The following LMX1A variants were observed in gnomAD, a reference collection of about 807,000 sequenced individuals.
LMX1A encodes LIM homeobox transcription factor 1 alpha, also known as LIM homeobox transcription factor 1-alpha.
Under a neutral mutation model 49.1 loss-of-function variants are expected in LMX1A, and 15 were observed. The observed-to-expected ratio is 0.31, with a 90% CI of 0.20 to 0.47. LMX1A has a LOEUF of 0.47. LMX1A is among the 20% of genes least tolerant of loss of function. The pLI, the probability that LMX1A is intolerant of heterozygous loss-of-function variation, is 1.00. For missense variants in LMX1A, 372 were observed against 475.8 expected (o/e 0.78, Z 2.03); for synonymous variants, 167 against 185.7 (o/e 0.90, Z 0.82).
At chr1:165,262,912 C>T (rs1037756281) in intron 3 of LMX1A, among the ~76,000 whole-genome samples, 2 of 151,962 alleles carry the variant, frequency 1.3e-5, no homozygotes, top group Non-Finnish European at 2.9e-5. Flanking sequence ...CCTTTTCTAA[C>T]AAAATTGTCG....
At chr1:165,272,521 A>G (rs1653826530) in intron 3 of LMX1A, among the ~76,000 whole-genome samples, 1 of 152,142 alleles carries the variant, frequency 6.6e-6, no homozygotes, top group Non-Finnish European at 1.5e-5. Flanking sequence ...AAACAAGTGC[A>G]CATTCCAGGC....
At chr1:165,265,496 T>C (rs974961053) in intron 3 of LMX1A, among the ~76,000 whole-genome samples, 5 of 152,128 alleles carry the variant, frequency 3.3e-5, no homozygotes, top group African/African-American at 4.8e-5. Flanking sequence ...AAAAGGCTTG[T>C]AGATACTGCC....
chr1:165,301,082 T>A (rs1571210492), intron 3 of LMX1A, among the ~76,000 whole-genome samples: 1 of 152,174 alleles, frequency 6.6e-6, no homozygotes, highest in African/African-American at 2.4e-5. Context: ...TGATGCTGAC[T>A]CAAAACCACC....
intron 4 of LMX1A, among the ~76,000 whole-genome samples, chr1:165,239,646 T>C (rs1349446072): frequency 6.6e-6 from 1 of 152,196 alleles, no homozygotes; most frequent in Non-Finnish European, 1.5e-5. Flanking sequence ...TCTGAAAGGC[T>C]CAGGCAGTTC....
chr1:165,316,958 G>C (rs1655248065), intron 3 of LMX1A, among the ~76,000 whole-genome samples: 1 of 152,132 alleles, frequency 6.6e-6, no homozygotes, highest in African/African-American at 2.4e-5. Flanking sequence ...AATGAGTTTA[G>C]AAAACCTAGA....
intron 3 of LMX1A, among the ~76,000 whole-genome samples, chr1:165,275,492 C>T (rs558712596): frequency 1.4e-3 from 219 of 152,304 alleles, no homozygotes; most frequent in African/African-American, 5.1e-3. Context: ...CATACTTCCA[C>T]GTAACTTCTA....
At chr1:165,296,624 A>C (rs1215332036) in intron 3 of LMX1A, among the ~76,000 whole-genome samples, 1 of 152,240 alleles carries the variant, frequency 6.6e-6, no homozygotes, top group Non-Finnish European at 1.5e-5. Flanking sequence ...AGTGTGGTAT[A>C]AACGGCAGAT....
chr1:165,238,561 G>A (rs1652532030), intron 4 of LMX1A, among the ~76,000 whole-genome samples: 1 of 828 alleles, frequency 1.2e-3, no homozygotes, highest in Admixed American at 0.01. Context: ...GGGAGGAACT[G>A]GAGGTTAAAA....
intron 4 of LMX1A, among the ~76,000 whole-genome samples, chr1:165,248,987 C>T (rs957137603): frequency 7.9e-5 from 12 of 152,160 alleles, no homozygotes; most frequent in African/African-American, 2.7e-4. Context: ...GAAGATCATG[C>T]CCTGCAGCTG....
chr1:165,344,590 G>A (rs1656176263), intron 3 of LMX1A, among the ~76,000 whole-genome samples: 1 of 152,210 alleles, frequency 6.6e-6, no homozygotes, highest in Non-Finnish European at 1.5e-5. Flanking sequence ...GCAAAAGGCA[G>A]GTGTGTCCAT....
At chr1:165,337,677 G>C (rs1448417071) in intron 3 of LMX1A, among the ~76,000 whole-genome samples, 1 of 152,254 alleles carries the variant, frequency 6.6e-6, no homozygotes, top group South Asian at 2.1e-4. Flanking sequence ...TTTTAAAATA[G>C]CTTGCTTGTG....
chr1:165,227,672 A>G (rs1652084167), intron 4 of LMX1A, among the ~76,000 whole-genome samples: 2 of 152,188 alleles, frequency 1.3e-5, no homozygotes, highest in Admixed American at 1.3e-4. Context: ...GGAAAAAAGT[A>G]CTTATTTTCC....
intron 4 of LMX1A, chr1:165,215,998 CCCTCTG>C (rs1254122876): frequency 6.6e-6 from 1 of 152,182 alleles, no homozygotes; most frequent in Admixed American, 6.5e-5. Context: ...GGTGTCTTTT[CCCTCTG>C]CCTCACCCCT....
intron 3 of LMX1A, among the ~76,000 whole-genome samples, chr1:165,324,536 C>T (rs1232847861): frequency 1.3e-5 from 2 of 152,092 alleles, no homozygotes; most frequent in Non-Finnish European, 2.9e-5. Flanking sequence ...TCTTTATCAT[C>T]CAGCTCCAGG....
At chr1:165,287,747 T>A (rs538973022) in intron 3 of LMX1A, among the ~76,000 whole-genome samples, 1 of 152,196 alleles carries the variant, frequency 6.6e-6, no homozygotes. Flanking sequence ...TGTTCCAAGA[T>A]GGCTCTTGGC....
intron 3 of LMX1A, among the ~76,000 whole-genome samples, chr1:165,307,423 G>GA (rs34268778): frequency 2.6e-5 from 4 of 152,170 alleles, no homozygotes; most frequent in East Asian, 1.9e-4. Context: ...CAGATAGGTA[G>GA]AAAAAAATGA....
intron 3 of LMX1A, among the ~76,000 whole-genome samples, chr1:165,279,897 G>A (rs549218118): frequency 6.6e-6 from 1 of 151,970 alleles, no homozygotes; most frequent in African/African-American, 2.4e-5. Context: ...TCCCTGGGGC[G>A]GGCAAGTGCT....
At chr1:165,350,364 C>T (rs2101772003) in intron 3 of LMX1A, among the ~76,000 whole-genome samples, 1 of 152,196 alleles carries the variant, frequency 6.6e-6, no homozygotes, top group Middle Eastern at 3.4e-3. Context: ...TGGAAGAAGC[C>T]CTTGAGAAAT....
chr1:165,208,248 G>C lies in LMX1A; in HGVS notation c.748-116C>G, dbSNP rs902097919. 5 of 868,088 alleles carry C rather than the reference G, an allele frequency of 5.8e-6. No homozygotes were observed. The African/African-American group carries it at 6.6e-5, about 11-fold the overall frequency. The allele number at this position is 868,088 out of a possible 1,614,324, so 53.8% of individuals were successfully genotyped here. ...GGAGAGGGCTTGTTGGCAAAGCTCT[G>C]GCTCTTACTTAGTAAAGGAGCAACA... On this transcript the variant is annotated intron_variant, in intron 6 of 8. Transcript: ENST00000342310.
Sources: gnomAD v4.1 joint callset for allele counts (sites outside exome capture counted in the v4.1 genomes callset) on GRCh38, gnomAD v4.1.1 for gene constraint, MANE v1.5 for transcripts, NCBI Gene and HGNC (gene_info 2026-07-23, HGNC 2026-07-21) for gene names.